The following COG5 variants were observed in gnomAD, a reference collection of about 807,000 sequenced individuals.
The protein encoded by COG5 is component of oligomeric golgi complex 5, also known as conserved oligomeric Golgi complex subunit 5.
COG5 carries 86 observed loss-of-function variants against 110.4 expected under a neutral mutation model. The observed-to-expected ratio is 0.78, with a 90% CI of 0.65 to 0.93. COG5 has a LOEUF of 0.93. Among genes scored for constraint, COG5 ranks in the 40% least tolerant of loss-of-function variants. The pLI, the probability that COG5 is intolerant of heterozygous loss-of-function variation, is 0.00. For missense variants in COG5, 1,077 were observed against 987.0 expected (o/e 1.09, Z -1.22); for synonymous variants, 360 against 334.6 (o/e 1.08, Z -0.83).
At chr7:107,457,648 C>G (rs1170398976) in intron 6 of COG5, among the ~76,000 whole-genome samples, 1 of 151,900 alleles carries the variant, frequency 6.6e-6, no homozygotes, top group Non-Finnish European at 1.5e-5. Flanking sequence ...CCAGGATGGT[C>G]TCGATCTCCT....
At chr7:107,285,053 T>A (rs925632378) in intron 12 of COG5, among the ~76,000 whole-genome samples, 1 of 152,240 alleles carries the variant, frequency 6.6e-6, no homozygotes, top group Non-Finnish European at 1.5e-5. Context: ...TATCTCTTAA[T>A]GTTTTCTCAT....
At chr7:107,495,416 A>G (rs1798215078) in intron 6 of COG5, among the ~76,000 whole-genome samples, 1 of 152,162 alleles carries the variant, frequency 6.6e-6, no homozygotes, top group African/African-American at 2.4e-5. Context: ...TTAAGACCAG[A>G]CAAGTTAAAT....
chr7:107,537,121 T>C lies in COG5; in HGVS notation c.418-9764A>G, dbSNP rs1436438030. On this transcript the variant is annotated intron_variant, in intron 5 of 21. Transcript: ENST00000297135. ...CCCTTCCTTATACACTTTACACTGT[T>C]GGTGGGAGTGTAAATTAGTTCAGCC... Among the ~76,000 whole-genome samples the C allele has an allele frequency of 2.0e-5, 3 of 152,288 alleles. No homozygotes were observed. In the East Asian group the frequency reaches 5.8e-4, roughly 29 times the overall value.
chr7:107,224,907 G>T (rs940143533), intron 19 of COG5, among the ~76,000 whole-genome samples: 1 of 152,254 alleles, frequency 6.6e-6, no homozygotes, highest in African/African-American at 2.4e-5. Context: ...AATGTAGACA[G>T]TAAAATGTAA....
Position 107,263,024 on chromosome 7 carries a change from G to T in COG5, c.1576-4641C>A, listed in dbSNP as rs567385474. ...GCTTGGTTCCTTCCCCCAACCTCTA[G>T]TCTATCTCAGTACTGGCTAGGGGCC... On this transcript the variant is annotated intron_variant, in intron 14 of 21. Coordinates refer to ENST00000297135, the MANE Select transcript of COG5 (RefSeq NM_006348.5). 7.8e-4 allele frequency among the ~76,000 whole-genome samples: 118 copies of T among 152,154 alleles called. 1 individual carries two copies. The highest frequency in any genetic ancestry group is 6.2e-4 in the South Asian group (3 of 4,810).
chr7:107,342,368 CAAAA>C (rs796981383), intron 10 of COG5, among the ~76,000 whole-genome samples: 3 of 97,768 alleles, frequency 3.1e-5, no homozygotes, highest in African/African-American at 7.6e-5. Context: ...ACAAACAAAC[CAAAA>C]AAAAAAAAAA....
rs1349711714 is a variant in COG5, at chr7:107,296,613, AG to A, written c.1313+1528del. ...TTTTTTTTTTTTTTTAAAGAGAGAC[AG>A]GGTCTCACTATGCTGCCCAGGCTGG... is the stretch of plus-strand genomic sequence containing the variant. On this transcript the variant is annotated intron_variant, in intron 12 of 21. Transcript: ENST00000297135. 2.1e-5 allele frequency among the ~76,000 whole-genome samples: 3 copies of A among 143,466 alleles called. No homozygotes were observed. In the East Asian group the frequency reaches 6.1e-4, roughly 29 times the overall value. The allele number at this position is 143,466 out of a possible 152,430, so 94.1% of individuals were successfully genotyped here. A position where few individuals can be genotyped will look rare whatever the true frequency, so the allele number is the denominator to read the frequency against.
At chr7:107,294,950 CATAT>C (rs1212275717) in intron 12 of COG5, among the ~76,000 whole-genome samples, 10 of 84,948 alleles carry the variant, frequency 1.2e-4, no homozygotes, top group South Asian at 1.2e-3. Flanking sequence ...CACACACACA[CATAT>C]ATATATACAC....
intron 6 of COG5, among the ~76,000 whole-genome samples, chr7:107,481,152 G>A (rs1418057737): frequency 1.3e-5 from 2 of 152,046 alleles, no homozygotes; most frequent in African/African-American, 2.4e-5. Flanking sequence ...AAGTCTGTCT[G>A]GGATTGAGGT....
In COG5 at chr7:107,406,250, T is replaced by G. The variant is rs143100690; in HGVS notation, c.669+6252A>C. On this transcript the variant is annotated intron_variant, in intron 7 of 21. Transcript: ENST00000297135. ...GCTGAGACATACAACAAAATTATAG[T>G]TCCCTGACTCCTATTTTTCTAAGAT... Among the ~76,000 whole-genome samples the G allele has an allele frequency of 8.1e-4, 123 of 152,314 alleles. No individual in the cohort carries two copies. The East Asian group carries it at 0.017, about 21-fold the overall frequency.
At chr7:107,381,742 A>T (rs2129053243) in intron 7 of COG5, among the ~76,000 whole-genome samples, 1 of 152,356 alleles carries the variant, frequency 6.6e-6, no homozygotes. Context: ...TAATTAACCA[A>T]TTATCGACTG....
intron 5 of COG5, among the ~76,000 whole-genome samples, chr7:107,542,269 A>G (rs1802096865): frequency 6.6e-6 from 1 of 152,190 alleles, no homozygotes; most frequent in South Asian, 2.1e-4. Flanking sequence ...TAGATGACTT[A>G]CAAGAGGTTC....
intron 1 of COG5, among the ~76,000 whole-genome samples, chr7:107,562,531 A>T (rs1456743636): frequency 2.6e-5 from 4 of 152,174 alleles, no homozygotes; most frequent in African/African-American, 9.7e-5. Flanking sequence ...AGTCTACAAG[A>T]TTATTTCCTC....
chr7:107,558,093 G>A lies in COG5; in HGVS notation c.117C>T (p.Asn39=), dbSNP rs138518242. The A allele has an allele frequency of 2.2e-4, 353 of 1,613,664 alleles. No homozygotes were observed. The highest frequency in any genetic ancestry group is 6.2e-4 in the East Asian group (28 of 44,830). The part of the protein sequence containing the change: ...LQDGCYSDFL[N]EDFDVKTYTS... ...TATAAGTCTTTACATCAAAGTCTTCGTTTAAAAAGTCACTATAACACCCTG... is the reference window on the plus strand; with the variant it reads ...TATAAGTCTTTACATCAAAGTCTTCATTTAAAAAGTCACTATAACACCCTG... The change falls in exon 2 of 22, where the codon AAC becomes AAT. Residue 39 remains asparagine, a synonymous_variant. Transcript: ENST00000297135.
chr7:107,530,533 G>T (rs906216335), intron 5 of COG5, among the ~76,000 whole-genome samples: 8 of 150,308 alleles, frequency 5.3e-5, no homozygotes, highest in Non-Finnish European at 1.2e-4. Flanking sequence ...CCCGGGAGGC[G>T]GAGGTTGCGA....
chr7:107,533,775 A>G (rs1474118608), intron 5 of COG5, among the ~76,000 whole-genome samples: 1 of 151,702 alleles, frequency 6.6e-6, no homozygotes, highest in Non-Finnish European at 1.5e-5. Flanking sequence ...TCCCTAACCT[A>G]GCAAGACAGG....
At chr7:107,272,371 C>A (rs1457899588) in intron 14 of COG5, among the ~76,000 whole-genome samples, 1 of 152,154 alleles carries the variant, frequency 6.6e-6, no homozygotes, top group Non-Finnish European at 1.5e-5. Context: ...CCGGATGGAA[C>A]CACTGTTCAT....
rs1200545775 is a variant in COG5 at position 107,248,487 on chromosome 7, G to C, written c.1762C>G (p.Leu588Val). Residue 588 changes from leucine (L) to valine (V), a missense_variant, in exon 17 of 22, where the codon CTT (leucine) becomes GTT (valine). Leu to Val is a conservative substitution (Grantham distance 32). Coordinates refer to ENST00000297135, the MANE Select transcript of COG5 (RefSeq NM_006348.5). ...IISALKAIHA[L>V]MENAVQPLLT... ...AAGGGTTGCACAGCATTTTCCATAA[G>C]AGCATGAATAGCCTAAAAAAAAAAA... The C allele has an allele frequency of 6.3e-7, 1 of 1,589,462 alleles. No individual in the cohort carries two copies. Among genetic ancestry groups the C allele is most frequent in the East Asian group, 2.2e-5 (1 of 44,538 alleles).
chr7:107,447,815 A>C (rs994749190), intron 6 of COG5, among the ~76,000 whole-genome samples: 11 of 152,168 alleles, frequency 7.2e-5, no homozygotes, highest in Admixed American at 6.5e-4. Context: ...TCAGGCTTTT[A>C]TTCGGATTAT....
Sources: allele counts gnomAD v4.1 joint callset (sites outside exome capture counted in the v4.1 genomes callset), GRCh38; gene constraint gnomAD v4.1.1; transcripts MANE v1.5; gene names NCBI Gene and HGNC (gene_info 2026-07-23, HGNC 2026-07-21).